The following GCSAML variants were observed in gnomAD, a reference collection of about 807,000 sequenced individuals.
The protein encoded by GCSAML is germinal center associated signaling and motility like.
A neutral mutation model predicts 13.0 loss-of-function variants in GCSAML; 9 were observed. The ratio of observed to expected loss-of-function variants is 0.69; its 90% CI spans 0.42 to 1.21. GCSAML has a LOEUF of 1.21. GCSAML is among the 50% of genes most tolerant of loss of function. The probability of loss-of-function intolerance (pLI) is 0.00; values close to 1 mark genes in which losing one functional copy is unlikely to be tolerated. For missense variants in GCSAML, 143 were observed against 153.4 expected, an observed-to-expected ratio of 0.93 and a Z score of 0.36; for synonymous variants, 37 against 52.9, an observed-to-expected ratio of 0.70 and a Z score of 1.31.
intron 1 of GCSAML, among the ~76,000 whole-genome samples, chr1:247,521,534 G>A (rs1048887617): frequency 6.6e-6 from 1 of 152,190 alleles, no homozygotes; most frequent in African/African-American, 2.4e-5. Flanking sequence ...GGGGCGCCAC[G>A]ACGCCTGACT....
chr1:247,564,826 G>A (rs536967138), intron 3 of GCSAML, among the ~76,000 whole-genome samples: 38 of 152,270 alleles, frequency 2.5e-4, no homozygotes, highest in Non-Finnish European at 4.1e-4. Context: ...GGAGAGGATA[G>A]AAACTGGACC....
Position 247,575,491 on chromosome 1 carries a change from A to G in GCSAML, c.*1109A>G, listed in dbSNP as rs1312244806. 3 of 152,214 alleles carry G rather than the reference A, an allele frequency of 2.0e-5. No homozygotes were observed. The highest frequency in any genetic ancestry group is 2.9e-5 in the Non-Finnish European group (2 of 68,038). The allele number at this position is 152,214 out of a possible 1,614,324, so 9.4% of individuals were successfully genotyped here. ...AAGACCAGTGACCAGACCCTTTGCTAACCTGACATTTACTTCAATTTTTCT... is the reference window on the plus strand; with the variant it reads ...AAGACCAGTGACCAGACCCTTTGCTGACCTGACATTTACTTCAATTTTTCT... On this transcript the variant is annotated 3_prime_UTR_variant, in exon 5 of 5. Transcript: ENST00000366488.
At chr1:247,543,948 C>G (rs1411334625) in intron 2 of GCSAML, among the ~76,000 whole-genome samples, 1 of 152,068 alleles carries the variant, frequency 6.6e-6, no homozygotes, top group Admixed American at 6.6e-5. Flanking sequence ...TGTGCGTCAC[C>G]CTGGTTTAAC....
At chr1:247,545,500 A>G (rs1341315098), upstream of GCSAML, among the ~76,000 whole-genome samples, 1 of 152,242 alleles carries the variant, frequency 6.6e-6, no homozygotes, top group East Asian at 1.9e-4. Context: ...AACTATCATT[A>G]TGATGATTAT....
intron 1 of GCSAML, among the ~76,000 whole-genome samples, chr1:247,516,328 C>T (rs72773769): frequency 0.023 from 3,556 of 152,298 alleles, 97 homozygotes; most frequent in Admixed American, 0.084. Flanking sequence ...CTGGACCCTA[C>T]GTCTGCGACA....
At chr1:247,548,281 A>G (rs1321332587), upstream of GCSAML, among the ~76,000 whole-genome samples, 1 of 152,150 alleles carries the variant, frequency 6.6e-6, no homozygotes, top group Non-Finnish European at 1.5e-5. The surrounding 1 kb of genome is among the most constrained non-coding windows in gnomAD (Gnocchi z 5.3). Context: ...CCTGCCGCTG[A>G]TATTGTGGCC....
chr1:247,574,607 T>A lies in GCSAML; in HGVS notation c.*225T>A. 1 of 529,166 alleles carries A rather than the reference T, an allele frequency of 1.9e-6. No homozygotes were observed. Among genetic ancestry groups the A allele is most frequent in the Non-Finnish European group, 3.3e-6 (1 of 306,994 alleles). 32.8% of individuals were successfully genotyped at this position (529,166 alleles called of 1,614,324 possible). A position where few individuals can be genotyped will look rare whatever the true frequency, so the allele number is the denominator to read the frequency against. On this transcript the variant is annotated 3_prime_UTR_variant, in exon 5 of 5. Coordinates refer to ENST00000366488, the MANE Select transcript of GCSAML (RefSeq NM_145278.5). The stretch of plus-strand genomic sequence containing the variant: ...ATGACCTAAAATATTCTATGTGTTT[T>A]TGCTTGTAAAGTTTGAGGACATGGA...
At chr1:247,541,370 G>A (rs1667405547) in intron 2 of GCSAML, among the ~76,000 whole-genome samples, 1 of 152,176 alleles carries the variant, frequency 6.6e-6, no homozygotes, top group East Asian at 1.9e-4. Context: ...ATGGATCACA[G>A]TTGGTGGGGT....
chr1:247,526,323 A>G lies in GCSAML; in HGVS notation c.-262-617A>G, dbSNP rs974123723. The G allele has an allele frequency of 1.3e-5, 2 of 152,194 alleles. No individual in the cohort carries two copies. The highest frequency in any genetic ancestry group is 4.8e-5 in the African/African-American group (2 of 41,430). The allele number at this position is 152,194 out of a possible 1,614,324, so 9.4% of individuals were successfully genotyped here. ...CTATCTGGCTCATAATACCTGACCT[A>G]AAGTTCTGACAGAAGCTGGAAGATA... On this transcript the variant is annotated intron_variant, in intron 1 of 5. Transcript: ENST00000366489. This position sits in a 1 kb window ranked among gnomAD's most constrained non-coding sequence, Gnocchi z 4.8.
At chr1:247,514,418 T>C (rs1232147002) in intron 1 of GCSAML, among the ~76,000 whole-genome samples, 4 of 152,258 alleles carry the variant, frequency 2.6e-5, no homozygotes, top group African/African-American at 9.6e-5. Flanking sequence ...TCCTACTCTG[T>C]CAGTTGTCTG....
In GCSAML at chr1:247,531,772, G is replaced by A. The variant is rs200221174; in HGVS notation, c.-148+4718G>A. Reference sequence around the variant, plus strand: ...GCTCCCGTAAAACAGAGACACCACAGCCACGTGGGAAGAACAGGTGTTGAA... The same window carrying A: ...GCTCCCGTAAAACAGAGACACCACAACCACGTGGGAAGAACAGGTGTTGAA... On this transcript the variant is annotated intron_variant, in intron 2 of 5. Coordinates refer to the GCSAML transcript ENST00000366489. The A allele has an allele frequency of 2.5e-6, 4 of 1,614,202 alleles. No homozygotes were observed. In the East Asian group the frequency reaches 6.7e-5, roughly 27 times the overall value.
intron 2 of GCSAML, chr1:247,530,166 A>G (rs538628040): frequency 3.9e-5 from 6 of 152,166 alleles, no homozygotes; most frequent in Non-Finnish European, 7.3e-5. Context: ...GACTACTTTC[A>G]TATTATATAC....
chr1:247,548,877 C>A (rs1667667956), upstream of GCSAML, among the ~76,000 whole-genome samples: 1 of 152,190 alleles, frequency 6.6e-6, no homozygotes, highest in African/African-American at 2.4e-5. This position sits in a 1 kb window ranked among gnomAD's most constrained non-coding sequence, Gnocchi z 5.3. Flanking sequence ...GCAAAGTGAA[C>A]CTGGAGTGAT....
At chr1:247,519,353 G>A (rs1190494714) in intron 1 of GCSAML, 1 of 152,218 alleles carries the variant, frequency 6.6e-6, no homozygotes, top group Non-Finnish European at 1.5e-5. Context: ...AATGTCATTA[G>A]ATCAGATACA....
chr1:247,549,034 A>G (rs775590674), upstream of GCSAML: 1 of 1,568,304 alleles, frequency 6.4e-7, no homozygotes. Flanking sequence ...TGCCTTCTCT[A>G]TCATGCGCAG....
chr1:247,524,083 G>A (rs1195706631), intron 1 of GCSAML, among the ~76,000 whole-genome samples: 2 of 151,364 alleles, frequency 1.3e-5, no homozygotes, highest in Non-Finnish European at 1.5e-5. Flanking sequence ...ACCATAAAAC[G>A]AGAAGATAAA....
At chr1:247,530,775 A>C (rs1225370097) in intron 2 of GCSAML, 1 of 27,598 alleles carries the variant, frequency 3.6e-5, no homozygotes, top group African/African-American at 1.0e-4. Context: ...ACTGCGACAG[A>C]GCGGTCGCCC....
At chr1:247,538,542 T>C (rs1667301038) in intron 2 of GCSAML, 1 of 328,442 alleles carries the variant, frequency 3.0e-6, no homozygotes, top group Admixed American at 4.1e-5. Flanking sequence ...CTTAAGGGGA[T>C]AATTATGAGT....
At chr1:247,564,807 T>A (rs1668276181) in intron 3 of GCSAML, among the ~76,000 whole-genome samples, 1 of 152,176 alleles carries the variant, frequency 6.6e-6, no homozygotes, top group African/African-American at 2.4e-5. Context: ...GTTAACTGGC[T>A]AGCCATATGG....
Sources: allele counts gnomAD v4.1 joint callset (sites outside exome capture counted in the v4.1 genomes callset), GRCh38; gene constraint gnomAD v4.1.1; non-coding constraint Gnocchi (gnomAD v3.1); transcripts MANE v1.5; gene names NCBI Gene and HGNC (gene_info 2026-07-23, HGNC 2026-07-21).